Variants in FBXL7 observed in about 807,000 individuals in gnomAD.
FBXL7 encodes the protein F-box and leucine rich repeat protein 7, also known as F-box/LRR-repeat protein 7.
Under a neutral mutation model 38.3 loss-of-function variants are expected in FBXL7, and 12 were observed. The observed-to-expected ratio is 0.31, with a 90% CI of 0.20 to 0.51. The LOEUF (loss-of-function observed/expected upper bound fraction) is 0.51. Ranked by LOEUF, FBXL7 falls within the 20% of genes least tolerant of loss-of-function variation. FBXL7 has a pLI of 0.98. For missense variants in FBXL7, 567 were observed against 676.4 expected (o/e 0.84, Z 1.79); for synonymous variants, 297 against 300.9 (o/e 0.99, Z 0.13).
intron 2 of FBXL7, among the ~76,000 whole-genome samples, chr5:15,841,389 A>G (rs1738742638): frequency 6.6e-6 from 1 of 152,170 alleles, no homozygotes; most frequent in South Asian, 2.1e-4. Context: ...ATTATAAATG[A>G]GTGTTTTATA....
intron 3 of FBXL7, among the ~76,000 whole-genome samples, chr5:15,929,342 G>A (rs1741977154): frequency 6.6e-6 from 1 of 152,200 alleles, no homozygotes; most frequent in East Asian, 1.9e-4. Context: ...GAAGGAAGTC[G>A]GGCGTAGAGG....
chr5:15,824,015 T>A (rs257755), intron 2 of FBXL7, among the ~76,000 whole-genome samples: 81,302 of 151,920 alleles, frequency 0.54, 22,951 homozygotes, highest in Non-Finnish European at 0.64. Context: ...CAGTGGCTCA[T>A]GCCTGTAATC....
intron 2 of FBXL7, among the ~76,000 whole-genome samples, chr5:15,728,120 C>T (rs4133004): frequency 0.54 from 82,229 of 151,874 alleles, 22,380 homozygotes; most frequent in East Asian, 0.67. Flanking sequence ...ATATATCACT[C>T]TTTGGAATTT....
At chr5:15,760,105 A>G (rs1348324326) in intron 2 of FBXL7, among the ~76,000 whole-genome samples, 1 of 152,076 alleles carries the variant, frequency 6.6e-6, no homozygotes, top group Non-Finnish European at 1.5e-5. Flanking sequence ...GAAAAAATGA[A>G]TGTCCAGAAA....
intron 2 of FBXL7, among the ~76,000 whole-genome samples, chr5:15,810,593 C>T (rs1488909846): frequency 6.6e-6 from 1 of 151,310 alleles, no homozygotes; most frequent in Admixed American, 6.6e-5. Flanking sequence ...ACATGAAATA[C>T]AGATTTGAAC....
intron 2 of FBXL7, among the ~76,000 whole-genome samples, chr5:15,759,010 A>T (rs1365838411): frequency 6.6e-6 from 1 of 152,220 alleles, no homozygotes; most frequent in African/African-American, 2.4e-5. Context: ...ATATGCTAGC[A>T]TATGTATCTG....
chr5:15,716,303 G>A (rs929092537), intron 2 of FBXL7, among the ~76,000 whole-genome samples: 1 of 152,106 alleles, frequency 6.6e-6, no homozygotes, highest in African/African-American at 2.4e-5. Context: ...TTCTTCCTCG[G>A]GTCTCTATCA....
intron 2 of FBXL7, among the ~76,000 whole-genome samples, chr5:15,691,938 T>C (rs1579381836): frequency 6.6e-6 from 1 of 152,128 alleles, no homozygotes; most frequent in South Asian, 2.1e-4. Flanking sequence ...AGGTGGCTGG[T>C]TTAGGGTTCT....
intron 2 of FBXL7, among the ~76,000 whole-genome samples, chr5:15,659,113 T>C (rs1741977743): frequency 6.6e-6 from 1 of 152,184 alleles, no homozygotes; most frequent in South Asian, 2.1e-4. Context: ...GTCTCGGATA[T>C]GTGTTTATTA....
At chr5:15,852,371 C>T (rs991592128) in intron 2 of FBXL7, among the ~76,000 whole-genome samples, 1 of 152,176 alleles carries the variant, frequency 6.6e-6, no homozygotes, top group African/African-American at 2.4e-5. Context: ...GCCCCAGCCC[C>T]TCCCTCTGGA....
intron 2 of FBXL7, among the ~76,000 whole-genome samples, chr5:15,918,202 G>A (rs954363693): frequency 6.6e-6 from 1 of 152,172 alleles, no homozygotes; most frequent in African/African-American, 2.4e-5. Context: ...TCATGCCACT[G>A]CACTCCAGCC....
At chr5:15,516,838 G>A (rs999968590) in intron 1 of FBXL7, among the ~76,000 whole-genome samples, 25 of 152,030 alleles carry the variant, frequency 1.6e-4, no homozygotes, top group Admixed American at 9.2e-4. Flanking sequence ...ATGTGAGGAA[G>A]GACGCATTTG....
intron 2 of FBXL7, among the ~76,000 whole-genome samples, chr5:15,749,972 AC>A (rs1469758733): frequency 1.3e-5 from 2 of 152,208 alleles, no homozygotes; most frequent in Non-Finnish European, 2.9e-5. Flanking sequence ...TTCCAGCCTT[AC>A]ACTGCCCTCT....
At chr5:15,726,297 T>A (rs1164702364) in intron 2 of FBXL7, among the ~76,000 whole-genome samples, 2 of 152,140 alleles carry the variant, frequency 1.3e-5, no homozygotes, top group African/African-American at 4.8e-5. Context: ...ACATGGCTAT[T>A]GTCCCAGCTA....
At chr5:15,555,786 G>GATAGATAGATAT (rs1554005477) in intron 1 of FBXL7, among the ~76,000 whole-genome samples, 5 of 123,374 alleles carry the variant, frequency 4.1e-5, no homozygotes, top group Admixed American at 1.5e-4. Context: ...GGGTAGATGA[G>GATAGATAGATAT]ATAGATAGAT....
chr5:15,529,535 G>A (rs777824700), intron 1 of FBXL7, among the ~76,000 whole-genome samples: 4 of 152,006 alleles, frequency 2.6e-5, no homozygotes, highest in South Asian at 2.1e-4. Context: ...ACAGGTGCCC[G>A]CCACCATGCC....
intron 2 of FBXL7, among the ~76,000 whole-genome samples, chr5:15,703,107 G>T (rs539547135): frequency 5.9e-5 from 9 of 152,318 alleles, no homozygotes; most frequent in African/African-American, 1.9e-4. Flanking sequence ...GTATGTGCAG[G>T]TCACAGGGGA....
chr5:15,628,681 T>C (rs1402575802), intron 2 of FBXL7, among the ~76,000 whole-genome samples: 1 of 152,224 alleles, frequency 6.6e-6, no homozygotes, highest in African/African-American at 2.4e-5. Flanking sequence ...TTCCATCATA[T>C]ATAGCAGTAT....
chr5:15,653,634 A>G (rs1741779191), intron 2 of FBXL7, among the ~76,000 whole-genome samples: 2 of 152,310 alleles, frequency 1.3e-5, no homozygotes, highest in Middle Eastern at 6.8e-3. Flanking sequence ...CTCCAAAACC[A>G]CTTAAGCTTT....
Sources: allele counts gnomAD v4.1 joint callset (sites outside exome capture counted in the v4.1 genomes callset), GRCh38; gene constraint gnomAD v4.1.1; transcripts MANE v1.5; gene names NCBI Gene and HGNC (gene_info 2026-07-23, HGNC 2026-07-21).